The following USH2A variants were observed in gnomAD, a reference collection of about 807,000 sequenced individuals.
The protein encoded by USH2A is Usher syndrome 2A (autosomal recessive, mild).
USH2A carries 443 observed loss-of-function variants against 538.9 expected under a neutral mutation model. The observed-to-expected ratio is 0.82, with a 90% CI of 0.76 to 0.89. The LOEUF (loss-of-function observed/expected upper bound fraction) is 0.89. USH2A is among the 40% of genes least tolerant of loss of function. USH2A has a pLI of 0.00. For synonymous variants in USH2A, 2,413 were observed against 2,273.5 expected, an observed-to-expected ratio of 1.06 and a Z score of -1.75; for missense variants, 6,633 against 6,324.8, an observed-to-expected ratio of 1.05 and a Z score of -1.65.
Position 215,867,127 on chromosome 1 carries a change from C to T in USH2A, c.8725G>A (p.Gly2909Ser), listed in dbSNP as rs758347918. The change falls in exon 44 of 72, where the codon GGT becomes AGT. Residue 2909 changes from glycine to serine, a missense_variant. Physicochemically the swap from Gly to Ser is moderately conservative, Grantham distance 56. Transcript: ENST00000307340. ...GTCACTTCTCGGCTCGGTGTAAAAC[C>T]CACACTGTTGTGTACGAAGAGCATA... ...EYMLFVHNSV[G>S]FTPSREVTVT... The T allele has an allele frequency of 1.2e-6, 2 of 1,613,952 alleles. No individual in the cohort carries two copies. The highest frequency in any genetic ancestry group is 2.7e-5 in the African/African-American group (2 of 74,898).
At chr1:216,201,188 C>A (rs2034990555) in intron 16 of USH2A, among the ~76,000 whole-genome samples, 1 of 151,692 alleles carries the variant, frequency 6.6e-6, no homozygotes, top group Admixed American at 6.6e-5. Context: ...GTATTGCTCT[C>A]CCCCAGCCTA....
At chr1:216,277,511 C>A (rs2036693450) in intron 11 of USH2A, among the ~76,000 whole-genome samples, 1 of 152,076 alleles carries the variant, frequency 6.6e-6, no homozygotes, top group African/African-American at 2.4e-5. Flanking sequence ...TCTCAGAGGT[C>A]CTCATTAAAC....
chr1:216,296,441 C>T (rs1389812257), intron 9 of USH2A, among the ~76,000 whole-genome samples: 2 of 151,994 alleles, frequency 1.3e-5, no homozygotes, highest in African/African-American at 2.4e-5. Context: ...TGATTGGCTT[C>T]TGTATATGTA....
chr1:215,865,010 T>C (rs1458572598), intron 44 of USH2A, among the ~76,000 whole-genome samples: 1 of 152,172 alleles, frequency 6.6e-6, no homozygotes, highest in Non-Finnish European at 1.5e-5. Context: ...AAAACATGAT[T>C]TTCCACTGCA....
At chr1:215,914,559 T>C (rs1222629650) in intron 38 of USH2A, among the ~76,000 whole-genome samples, 1 of 152,092 alleles carries the variant, frequency 6.6e-6, no homozygotes, top group African/African-American at 2.4e-5. Flanking sequence ...TATAAACACA[T>C]TTAAATTTAT....
chr1:216,251,091 C>T lies in USH2A; in HGVS notation c.1979G>A (p.Gly660Glu). Residue 660 changes from glycine to glutamate, a missense_variant, in exon 12 of 72, where the codon GGA becomes GAA. Transcript: ENST00000307340. Reference protein sequence around the residue: ...NGSILCDQIGGQCNCKRHVSG... With the variant: ...NGSILCDQIGEQCNCKRHVSG... ...CACGTGTCTCTTACAATTACACTGTCCTCCAATCTAGAGAAGATACAACAT... is the reference window on the plus strand; with the variant it reads ...CACGTGTCTCTTACAATTACACTGTTCTCCAATCTAGAGAAGATACAACAT... The T allele has an allele frequency of 6.2e-7, 1 of 1,613,964 alleles. No homozygotes were observed.
chr1:215,859,014 T>C (rs1664245132), intron 44 of USH2A, among the ~76,000 whole-genome samples: 1 of 152,130 alleles, frequency 6.6e-6, no homozygotes, highest in African/African-American at 2.4e-5. Context: ...CTGCTGAGTT[T>C]TCCCATGCTT....
chr1:216,102,328 T>C (rs2032602146), intron 21 of USH2A, among the ~76,000 whole-genome samples: 2 of 150,760 alleles, frequency 1.3e-5, no homozygotes, highest in African/African-American at 4.9e-5. Flanking sequence ...CTACTGTATA[T>C]GTGTGTATGT....
At chr1:216,314,797 ATAAG>A (rs2037477984) in intron 9 of USH2A, among the ~76,000 whole-genome samples, 1 of 152,220 alleles carries the variant, frequency 6.6e-6, no homozygotes, top group East Asian at 1.9e-4. Context: ...TAAAAGGGTC[ATAAG>A]TTAGAGCCAA....
intron 55 of USH2A, among the ~76,000 whole-genome samples, chr1:215,768,122 A>C (rs1661183798): frequency 6.6e-6 from 1 of 152,130 alleles, no homozygotes; most frequent in African/African-American, 2.4e-5. Context: ...CAAATACTAC[A>C]TTTTAAAAAA....
intron 4 of USH2A, among the ~76,000 whole-genome samples, chr1:216,363,499 A>C (rs1411457195): frequency 6.6e-6 from 1 of 152,134 alleles, no homozygotes; most frequent in East Asian, 1.9e-4. Flanking sequence ...GGAACTGTGC[A>C]ATCAGGCAAC....
chr1:216,330,860 G>A (rs185941631), intron 4 of USH2A, among the ~76,000 whole-genome samples: 4 of 152,136 alleles, frequency 2.6e-5, no homozygotes, highest in Admixed American at 6.6e-5. Context: ...AGTCAGACCA[G>A]GGTATTAGAA....
chr1:215,822,904 A>G (rs1663050389), intron 47 of USH2A, among the ~76,000 whole-genome samples: 2 of 152,020 alleles, frequency 1.3e-5, no homozygotes, highest in Non-Finnish European at 2.9e-5. Flanking sequence ...GCCAAAAACA[A>G]AGAAACAATG....
At chr1:216,148,930 C>G (rs2033771242) in intron 21 of USH2A, among the ~76,000 whole-genome samples, 1 of 152,094 alleles carries the variant, frequency 6.6e-6, no homozygotes. Context: ...CAGACAGCCC[C>G]CATTACTTCA....
intron 21 of USH2A, among the ~76,000 whole-genome samples, chr1:216,155,324 A>G (rs564084626): frequency 1.3e-5 from 2 of 152,310 alleles, no homozygotes; most frequent in South Asian, 4.1e-4. Flanking sequence ...TGTAATTTTT[A>G]TAATTGCTTA....
intron 14 of USH2A, 21 bp from the exon 15 acceptor site, chr1:216,217,571 C>T: frequency 6.2e-7 from 1 of 1,611,812 alleles, no homozygotes; most frequent in Non-Finnish European, 8.5e-7. Flanking sequence ...GGCAAATAAA[C>T]CATCAAAGAG....
At chr1:216,368,092 T>C (rs2102712855) in intron 3 of USH2A, among the ~76,000 whole-genome samples, 1 of 152,262 alleles carries the variant, frequency 6.6e-6, no homozygotes, top group Middle Eastern at 3.4e-3. Flanking sequence ...ACAGAGAAGG[T>C]CATGCTCAAA....
chr1:216,235,351 TTC>T (rs1309055395), intron 13 of USH2A, among the ~76,000 whole-genome samples: 1 of 152,220 alleles, frequency 6.6e-6, no homozygotes, highest in African/African-American at 2.4e-5. Flanking sequence ...TTGTACCACA[TTC>T]TTAAGCATGG....
chr1:215,804,032 A>G (rs1317280165), intron 49 of USH2A, among the ~76,000 whole-genome samples: 6 of 152,070 alleles, frequency 3.9e-5, no homozygotes, highest in East Asian at 1.9e-4. Flanking sequence ...AAGAAATGGG[A>G]AAAGGATTCC....
Sources: allele counts gnomAD v4.1 joint callset (sites outside exome capture counted in the v4.1 genomes callset), GRCh38; gene constraint gnomAD v4.1.1; transcripts MANE v1.5; gene names NCBI Gene and HGNC (gene_info 2026-07-23, HGNC 2026-07-21).